RGS6: variants seen among roughly 807,000 people sequenced by gnomAD.
RGS6 encodes the protein regulator of G-protein signaling 6.
RGS6 carries 30 observed loss-of-function variants against 78.5 expected under a neutral mutation model. That is an observed-to-expected ratio of 0.38 (90% confidence interval 0.29 to 0.52). The LOEUF (loss-of-function observed/expected upper bound fraction) is 0.52. Ranked by LOEUF, RGS6 falls within the 20% of genes least tolerant of loss-of-function variation. The pLI, the probability that RGS6 is intolerant of heterozygous loss-of-function variation, is 0.85. For synonymous variants in RGS6, 206 were observed against 206.0 expected, an observed-to-expected ratio of 1.00 and a Z score of 0.00; for missense variants, 495 against 609.7, an observed-to-expected ratio of 0.81 and a Z score of 1.98.
chr14:72,083,866 G>T (rs920738724), intron 2 of RGS6, among the ~76,000 whole-genome samples: 3 of 152,128 alleles, frequency 2.0e-5, no homozygotes, highest in African/African-American at 7.2e-5. Flanking sequence ...CATCAGTCTT[G>T]TACTTGGGGT....
rs76367092 is a variant in RGS6, at chr14:72,491,415, G to A, written c.855-3737G>A. Among the ~76,000 whole-genome samples, 513 of 152,206 alleles carry A rather than the reference G, an allele frequency of 3.4e-3. 3 individuals carry two copies. Among genetic ancestry groups the A allele is most frequent in the African/African-American group, 0.011 (456 of 41,520 alleles). On this transcript the variant is annotated intron_variant, in intron 12 of 17. Transcript: ENST00000553525. ...TAATAAAGTCACTCAATGCAACCAA[G>A]ACAATATTGTAGACATATGTTCATC...
Position 72,536,718 on chromosome 14 carries a change from C to T in RGS6, c.1368+443C>T, listed in dbSNP as rs537833924. ...GAGTATGAGGCCAGGGTTGGGGCAG[C>T]TCTCTCACTGGTCAGAAAGCCTTGT... On this transcript the variant is annotated intron_variant, in intron 16 of 17. Transcript: ENST00000553525. 1.8e-4 allele frequency among the ~76,000 whole-genome samples: 27 copies of T among 152,264 alleles called. No individual in the cohort carries two copies. In the South Asian group the frequency reaches 5.4e-3, roughly 30 times the overall value.
intron 17 of RGS6, among the ~76,000 whole-genome samples, chr14:72,562,099 A>T (rs775801363): frequency 1.2e-4 from 18 of 152,302 alleles, no homozygotes; most frequent in Admixed American, 2.6e-4. Flanking sequence ...CCGGCATTAA[A>T]AATTGCTCTA....
chr14:72,128,110 C>A (rs1233904685), intron 2 of RGS6, among the ~76,000 whole-genome samples: 1 of 152,008 alleles, frequency 6.6e-6, no homozygotes, highest in South Asian at 2.1e-4. Flanking sequence ...AAAAAGCAAG[C>A]AGGACTTTTA....
chr14:72,009,958 C>T (rs2085339567), intron 2 of RGS6, among the ~76,000 whole-genome samples: 1 of 152,206 alleles, frequency 6.6e-6, no homozygotes, highest in East Asian at 1.9e-4. Context: ...AGCAGGCTTA[C>T]TCTCTTTTTT....
intron 2 of RGS6, among the ~76,000 whole-genome samples, chr14:72,053,756 A>C (rs186942519): frequency 2.0e-5 from 3 of 152,334 alleles, no homozygotes; most frequent in East Asian, 3.9e-4. Flanking sequence ...GTGTAGGAGA[A>C]ATATTCTCTT....
chr14:72,090,356 G>A (rs56340051), intron 2 of RGS6, among the ~76,000 whole-genome samples: 23,985 of 152,082 alleles, frequency 0.16, 2,222 homozygotes, highest in Admixed American at 0.24. Flanking sequence ...TTGAGCGAGC[G>A]TTACTGCCTG....
At chr14:72,269,508 GA>G (rs1461866194) in intron 2 of RGS6, among the ~76,000 whole-genome samples, 1 of 151,240 alleles carries the variant, frequency 6.6e-6, no homozygotes, top group Non-Finnish European at 1.5e-5. Context: ...CTGCATGATT[GA>G]GACCCTTACC....
the RGS6 span, among the ~76,000 whole-genome samples, chr14:72,603,608 T>G: frequency 1.3e-5 from 2 of 152,230 alleles, no homozygotes; most frequent in Admixed American, 6.5e-5. Context: ...CAAGACACAG[T>G]GCGTGCCCTC....
At chr14:72,011,213 A>G (rs2085630219) in intron 2 of RGS6, among the ~76,000 whole-genome samples, 2 of 152,088 alleles carry the variant, frequency 1.3e-5, no homozygotes. Flanking sequence ...TCTCTCATTT[A>G]TCTTCTTTCC....
the RGS6 span, among the ~76,000 whole-genome samples, chr14:71,871,981 GTGGTGGAGGGGA>G: frequency 6.6e-6 from 1 of 151,898 alleles, no homozygotes; most frequent in South Asian, 2.1e-4. Context: ...GGTGGAGGGG[GTGGTGGAGGGGA>G]TGGTGGAGAT....
intron 2 of RGS6, among the ~76,000 whole-genome samples, chr14:72,056,348 T>C (rs559594108): frequency 7.9e-5 from 12 of 152,272 alleles, no homozygotes; most frequent in African/African-American, 2.9e-4. Context: ...TGTGTTATCT[T>C]CTCTATACTT....
chr14:72,118,058 A>G (rs1439463352), intron 2 of RGS6, among the ~76,000 whole-genome samples: 2 of 152,118 alleles, frequency 1.3e-5, no homozygotes, highest in African/African-American at 4.8e-5. Flanking sequence ...TGGCACCATT[A>G]TCATCAGCAT....
chr14:72,604,000 A>T, the RGS6 span, among the ~76,000 whole-genome samples: 1 of 152,202 alleles, frequency 6.6e-6, no homozygotes, highest in African/African-American at 2.4e-5. Context: ...GAGTAATAGT[A>T]TAGTTTAACA....
chr14:72,000,954 T>A (rs959864237), intron 2 of RGS6, among the ~76,000 whole-genome samples: 1 of 152,204 alleles, frequency 6.6e-6, no homozygotes, highest in Non-Finnish European at 1.5e-5. Flanking sequence ...AAGAACTTGG[T>A]CTGAGAATAT....
the RGS6 span, among the ~76,000 whole-genome samples, chr14:72,614,417 G>A: frequency 6.6e-6 from 1 of 152,178 alleles, no homozygotes; most frequent in Non-Finnish European, 1.5e-5. Flanking sequence ...AAGAGGAGGA[G>A]CTCTGTCCAC....
At position 72,435,254 on chromosome 14, in the gene RGS6, A is replaced by G. The variant is rs2094848038; in HGVS notation, c.185-19274A>G. On this transcript the variant is annotated intron_variant, in intron 3 of 17. Transcript: ENST00000553525. ...TCAAGATGTGGCCAGTTCTCTTGTG[A>G]GAAGAATACATTTCTGTTGTCCTAA... Among the ~76,000 whole-genome samples the G allele has an allele frequency of 2.0e-5, 3 of 152,340 alleles. No homozygotes were observed. The South Asian group carries it at 6.2e-4, about 32-fold the overall frequency.
chr14:72,524,962 C>T (rs1254944001), intron 15 of RGS6, among the ~76,000 whole-genome samples: 1 of 152,192 alleles, frequency 6.6e-6, no homozygotes, highest in Non-Finnish European at 1.5e-5. Context: ...ACCTGTGGTA[C>T]CTGCTAAGAT....
intron 2 of RGS6, among the ~76,000 whole-genome samples, chr14:72,228,386 A>AAT (rs1491085408): frequency 8.4e-6 from 1 of 119,532 alleles, no homozygotes; most frequent in African/African-American, 3.6e-5. Context: ...GTCTCAAAAA[A>AAT]TAATAATAAT....
Sources: gnomAD v4.1 joint callset for allele counts (sites outside exome capture counted in the v4.1 genomes callset) on GRCh38, gnomAD v4.1.1 for gene constraint, MANE v1.5 for transcripts, NCBI Gene and HGNC (gene_info 2026-07-23, HGNC 2026-07-21) for gene names.